Variants in ESRRB observed in about 807,000 individuals in gnomAD.
ESRRB encodes the protein estrogen related receptor beta.
In ESRRB, 16 loss-of-function variants were observed where a neutral mutation model predicts 46.0. The observed-to-expected ratio is 0.35, with a 90% CI of 0.24 to 0.53. The LOEUF (loss-of-function observed/expected upper bound fraction) is 0.53, where lower values mean the gene tolerates loss of function less well. Among genes scored for constraint, ESRRB ranks in the 20% least tolerant of loss-of-function variants. The pLI is 0.93. For synonymous variants in ESRRB, 246 were observed against 259.6 expected (o/e 0.95, Z 0.50); for missense variants, 488 against 607.4 (o/e 0.80, Z 2.07).
Position 76,436,922 on chromosome 14 carries a change from T to C in ESRRB, c.51-2419T>C, listed in dbSNP as rs577369003. On this transcript the variant is annotated intron_variant, in intron 1 of 6. Transcript: ENST00000644823. ...GTGAACTTCTGGAGAGTAGGAGCTT[T>C]ATGTTATCTTTTATCTTTGTGTCTG... is the stretch of plus-strand genomic sequence containing the variant. Among the ~76,000 whole-genome samples the C allele has an allele frequency of 2.0e-5, 3 of 152,282 alleles. No individual in the cohort carries two copies. In the South Asian group the frequency reaches 6.2e-4, roughly 32 times the overall value.
chr14:76,388,269 C>T (rs1215071373), intron 1 of ESRRB, among the ~76,000 whole-genome samples: 2 of 150,546 alleles, frequency 1.3e-5, no homozygotes, highest in Non-Finnish European at 2.9e-5. Context: ...CGCTCTGCCT[C>T]CCAGGTTCAC....
rs988235657 is a variant in ESRRB, at chr14:76,402,361, A to G, written c.50+25910A>G. 3.3e-5 allele frequency among the ~76,000 whole-genome samples: 5 copies of G among 152,220 alleles called. No homozygotes were observed. The East Asian group carries it at 9.6e-4, about 29-fold the overall frequency. On this transcript the variant is annotated intron_variant, in intron 1 of 6. Transcript: ENST00000644823. ...TCGGCCTTCCAGGGCATTTTAGTGT[A>G]GTAAAGGTTCTGAGAATGCAGTCAA...
intron 1 of ESRRB, among the ~76,000 whole-genome samples, chr14:76,330,174 T>C (rs1157374144): frequency 3.9e-5 from 6 of 152,124 alleles, no homozygotes; most frequent in Non-Finnish European, 8.8e-5. Context: ...TGAGGGAGGC[T>C]CTGGGATCTA....
intron 1 of ESRRB, among the ~76,000 whole-genome samples, chr14:76,357,113 G>A (rs1047765352): frequency 4.9e-5 from 7 of 141,504 alleles, no homozygotes; most frequent in African/African-American, 1.7e-4. Context: ...CCCCAATGAG[G>A]GATAATCTAC....
intron 3 of ESRRB, among the ~76,000 whole-genome samples, chr14:76,471,708 A>C (rs908874264): frequency 6.6e-6 from 1 of 152,188 alleles, no homozygotes; most frequent in Admixed American, 6.5e-5. Flanking sequence ...ACTTGCTGTC[A>C]TATCCCCTTG....
chr14:76,491,878 C>T (rs1890247250), intron 6 of ESRRB, among the ~76,000 whole-genome samples, 162 bp downstream of exon 6: 1 of 152,212 alleles, frequency 6.6e-6, no homozygotes, highest in African/African-American at 2.4e-5. Context: ...GGGTGGCCTG[C>T]AGATAAAAAG....
chr14:76,487,120 T>C (rs538647263), intron 5 of ESRRB, among the ~76,000 whole-genome samples: 3 of 152,238 alleles, frequency 2.0e-5, no homozygotes, highest in African/African-American at 7.2e-5. Context: ...GTTGTGTATG[T>C]CCCCCAGTCC....
Position 76,439,651 on chromosome 14 carries a change from A to C in ESRRB, c.361A>C (p.Lys121Gln), listed in dbSNP as rs1299158798. 1.2e-6 allele frequency: 2 copies of C among 1,614,196 alleles called. No individual in the cohort carries two copies. Among genetic ancestry groups the C allele is most frequent in the Admixed American group, 3.3e-5 (2 of 60,022 alleles). The change falls in exon 2 of 7, where the codon AAG becomes CAG. Residue 121 changes from lysine to glutamine, a missense_variant. Lys to Gln is a moderately conservative substitution (Grantham distance 53, BLOSUM62 1). Transcript: ENST00000644823. ...KCEYMLNAIP[K>Q]RLCLVCGDIA... ...CGAGTACATGCTCAACGCCATCCCCAAGCGCCTGTGCCTCGTGTGCGGGGA... is the reference window on the plus strand; with the variant it reads ...CGAGTACATGCTCAACGCCATCCCCCAGCGCCTGTGCCTCGTGTGCGGGGA...
chr14:76,426,592 A>G (rs1205887238), intron 1 of ESRRB, among the ~76,000 whole-genome samples: 1 of 152,210 alleles, frequency 6.6e-6, no homozygotes, highest in African/African-American at 2.4e-5. Flanking sequence ...CTGATTGCCA[A>G]GATGGTAAAA....
intron 1 of ESRRB, among the ~76,000 whole-genome samples, chr14:76,329,073 C>G (rs1883971872): frequency 6.6e-6 from 1 of 152,092 alleles, no homozygotes; most frequent in Non-Finnish European, 1.5e-5. Flanking sequence ...AGGGAAGGGG[C>G]TTGGCAGCCA....
intron 1 of ESRRB, among the ~76,000 whole-genome samples, chr14:76,344,646 T>A (rs1009937030): frequency 6.6e-6 from 1 of 152,018 alleles, no homozygotes; most frequent in African/African-American, 2.4e-5. Context: ...AGGTCAGGAG[T>A]TCAAGACCAG....
intron 2 of ESRRB, among the ~76,000 whole-genome samples, chr14:76,451,176 C>T (rs1027235902): frequency 6.6e-6 from 1 of 152,168 alleles, no homozygotes; most frequent in Non-Finnish European, 1.5e-5. Context: ...GGGAAAACAG[C>T]ATGGCACTGG....
At chr14:76,385,521 C>T (rs1885188556) in intron 1 of ESRRB, among the ~76,000 whole-genome samples, 2 of 152,124 alleles carry the variant, frequency 1.3e-5, no homozygotes, top group Admixed American at 6.5e-5. Context: ...TCACTGTCAC[C>T]GAGTGTTTGG....
chr14:76,398,909 T>C (rs1174998775), intron 1 of ESRRB, among the ~76,000 whole-genome samples: 2 of 152,272 alleles, frequency 1.3e-5, no homozygotes, highest in East Asian at 1.9e-4. Flanking sequence ...TTTGATTCGG[T>C]TCAGCCTCTC....
intron 1 of ESRRB, among the ~76,000 whole-genome samples, chr14:76,414,208 G>A (rs1278764407): frequency 2.2e-5 from 1 of 45,618 alleles, no homozygotes; most frequent in African/African-American, 9.7e-5. Context: ...GCGTCCCCCC[G>A]CCCCTGCATA....
intron 5 of ESRRB, among the ~76,000 whole-genome samples, chr14:76,489,395 G>A (rs1052290267): frequency 6.2e-5 from 9 of 145,166 alleles, no homozygotes; most frequent in East Asian, 2.1e-4. Context: ...CAGCTCCCCC[G>A]GCCACCACAG....
At chr14:76,484,100 C>A (rs941366704) in intron 5 of ESRRB, among the ~76,000 whole-genome samples, 1 of 152,200 alleles carries the variant, frequency 6.6e-6, no homozygotes, top group Non-Finnish European at 1.5e-5. Flanking sequence ...AAGTGATTTG[C>A]GCACCTCAGC....
chr14:76,371,424 G>A (rs1171165796), upstream of ESRRB: 1 of 152,302 alleles, frequency 6.6e-6, no homozygotes, highest in African/African-American at 2.4e-5. Flanking sequence ...GCGCAGGTTA[G>A]GCTCACTGTC....
chr14:76,447,254 CT>C (rs1888188714), intron 2 of ESRRB, among the ~76,000 whole-genome samples: 1 of 69,194 alleles, frequency 1.4e-5, no homozygotes, highest in African/African-American at 9.6e-5. Flanking sequence ...TCCTTCCTTC[CT>C]TCCTTCCTTC....
Sources: allele counts gnomAD v4.1 joint callset (sites outside exome capture counted in the v4.1 genomes callset), GRCh38; gene constraint gnomAD v4.1.1; transcripts MANE v1.5; gene names NCBI Gene and HGNC (gene_info 2026-07-23, HGNC 2026-07-21).